The following NCKAP5 variants were observed in gnomAD, a reference collection of about 807,000 sequenced individuals.
The protein encoded by NCKAP5 is nck-associated protein 5.
A neutral mutation model predicts 167.0 loss-of-function variants in NCKAP5; 92 were observed. The observed-to-expected ratio is 0.55, with a 90% CI of 0.47 to 0.66. The LOEUF is 0.66. Ranked by LOEUF, NCKAP5 falls within the 30% of genes least tolerant of loss-of-function variation. The pLI is 0.00. For missense variants in NCKAP5, 2,378 were observed against 2,315.0 expected (o/e 1.03, Z -0.56); for synonymous variants, 891 against 877.4 (o/e 1.02, Z -0.27).
intron 3 of NCKAP5, among the ~76,000 whole-genome samples, chr2:133,375,289 G>A (rs145441598): frequency 6.6e-6 from 1 of 152,228 alleles, no homozygotes; most frequent in African/African-American, 2.4e-5. Flanking sequence ...ATTCTTCTAG[G>A]GTGTTAGTAA....
intron 16 of NCKAP5, among the ~76,000 whole-genome samples, chr2:132,732,350 G>A (rs1189670902): frequency 1.3e-5 from 2 of 151,826 alleles, no homozygotes; most frequent in Admixed American, 1.3e-4. Flanking sequence ...CAAGTTAAGG[G>A]GTGTAGCACA....
At chr2:132,890,375 T>C (rs1392832725) in intron 8 of NCKAP5, among the ~76,000 whole-genome samples, 1 of 151,274 alleles carries the variant, frequency 6.6e-6, no homozygotes, top group Non-Finnish European at 1.5e-5. Flanking sequence ...TATACAAAGA[T>C]GGATAAAATA....
intron 3 of NCKAP5, among the ~76,000 whole-genome samples, chr2:133,427,499 A>G (rs1408286577): frequency 6.6e-6 from 1 of 152,218 alleles, no homozygotes; most frequent in African/African-American, 2.4e-5. Flanking sequence ...GTCCCAGAAA[A>G]GAGCAAAATA....
intron 3 of NCKAP5, among the ~76,000 whole-genome samples, chr2:133,325,447 G>A (rs1428317990): frequency 6.6e-6 from 1 of 152,168 alleles, no homozygotes; most frequent in Non-Finnish European, 1.5e-5. Context: ...ACTTTGTGAT[G>A]TTTCCTGAGG....
At chr2:133,461,677 A>G (rs1166531862) in intron 3 of NCKAP5, among the ~76,000 whole-genome samples, 1 of 152,178 alleles carries the variant, frequency 6.6e-6, no homozygotes, top group Non-Finnish European at 1.5e-5. Flanking sequence ...GCATTGACAC[A>G]TCACTTCTAC....
rs12611515 is a variant in NCKAP5 at position 132,784,002 on chromosome 2, C to A, written c.2809G>T (p.Val937Phe). The change falls in exon 14 of 20, where the codon GTC (valine) becomes TTC (phenylalanine). Residue 937 changes from valine (V) to phenylalanine (F), a missense_variant. By Grantham distance (50) the Val-to-Phe change is conservative. This residue lies in a region of NCKAP5 where 1,325 missense variants were observed against 1,274.5 expected (regional missense o/e 1.04). Transcript: ENST00000409261. ...TAGCTGGGCCTGGCCAGCAGGGAGA[C>A]GGACCTGCCTGGAGGGGGCGGAGGG... ...PSPPPPPGRS[V>F]SLLARPSYDY... is the part of the protein sequence containing the mutation. 7 of 1,585,758 alleles carry A rather than the reference C, an allele frequency of 4.4e-6. No homozygotes were observed. The East Asian group carries it at 9.0e-5, about 20-fold the overall frequency.
chr2:132,796,949 G>A (rs1684655425), intron 11 of NCKAP5, among the ~76,000 whole-genome samples: 1 of 152,148 alleles, frequency 6.6e-6, no homozygotes, highest in African/African-American at 2.4e-5. Context: ...TGCTTTTACA[G>A]TCTGTCAGTC....
intron 7 of NCKAP5, among the ~76,000 whole-genome samples, chr2:132,984,266 G>T (rs1435228266): frequency 1.3e-5 from 2 of 152,114 alleles, no homozygotes; most frequent in Non-Finnish European, 2.9e-5. Context: ...GAGACTCTAT[G>T]GAACTGTTCT....
chr2:133,382,160 G>C (rs866962989), intron 3 of NCKAP5, among the ~76,000 whole-genome samples: 1 of 152,080 alleles, frequency 6.6e-6, no homozygotes, highest in Non-Finnish European at 1.5e-5. Flanking sequence ...CTTGTCTCCC[G>C]CCTCTTCCTC....
intron 2 of NCKAP5, among the ~76,000 whole-genome samples, chr2:133,547,601 C>G (rs1011023776): frequency 4.1e-5 from 6 of 147,006 alleles, no homozygotes; most frequent in Admixed American, 3.4e-4. Context: ...CTGGGAGGCA[C>G]CCCCCAGCAG....
rs559602187 is a variant in NCKAP5, at chr2:132,728,857, G to C, written c.5539C>G (p.Leu1847Val). 6.2e-7 allele frequency: 1 copy of C among 1,613,968 alleles called. No individual in the cohort carries two copies. Among genetic ancestry groups the C allele is most frequent in the South Asian group, 1.1e-5 (1 of 91,084 alleles). ...GCAACTTCACTCCCCCAGTCTGGAA[G>C]CGGCTGGCTTGCCATTGGGTCTTCA... ...YAEDPMASQP[L>V]PDWGSEVAAT... Residue 1847 changes from leucine to valine, a missense_variant, in exon 18 of 20, where the codon CTT (leucine) becomes GTT (valine). This residue lies in a region of NCKAP5 where 1,325 missense variants were observed against 1,274.5 expected (regional missense o/e 1.04). Coordinates refer to ENST00000409261, the MANE Select transcript of NCKAP5 (RefSeq NM_207363.3).
chr2:133,148,847 T>G (rs1414627701), intron 5 of NCKAP5, among the ~76,000 whole-genome samples: 1 of 152,104 alleles, frequency 6.6e-6, no homozygotes, highest in Non-Finnish European at 1.5e-5. Flanking sequence ...ACCATCACAT[T>G]GGAAATGAGA....
chr2:132,758,357 A>T (rs1680727274), intron 16 of NCKAP5, among the ~76,000 whole-genome samples: 1 of 152,184 alleles, frequency 6.6e-6, no homozygotes, highest in African/African-American at 2.4e-5. Flanking sequence ...GTAAATCTAC[A>T]AGTCATTTGT....
At chr2:132,963,283 TTTTAAAGATATGAC>T (rs2076571137) in intron 8 of NCKAP5, among the ~76,000 whole-genome samples, 1 of 152,226 alleles carries the variant, frequency 6.6e-6, no homozygotes, top group Non-Finnish European at 1.5e-5. Context: ...TGCACGTTTT[TTTTAAAGATATGAC>T]TATACTGCTT....
intron 4 of NCKAP5, among the ~76,000 whole-genome samples, chr2:133,238,433 T>C (rs1158980176): frequency 6.6e-6 from 1 of 152,160 alleles, no homozygotes; most frequent in African/African-American, 2.4e-5. Context: ...TCTCTATGAC[T>C]AACTATAGAA....
intron 6 of NCKAP5, among the ~76,000 whole-genome samples, chr2:133,053,060 T>C (rs1466407367): frequency 6.6e-6 from 1 of 152,182 alleles, no homozygotes; most frequent in Non-Finnish European, 1.5e-5. Flanking sequence ...TCTGGAGGTA[T>C]ATTTTAGTTC....
intron 2 of NCKAP5, among the ~76,000 whole-genome samples, chr2:133,530,458 C>T (rs916810196): frequency 6.6e-6 from 1 of 152,058 alleles, no homozygotes; most frequent in Non-Finnish European, 1.5e-5. Flanking sequence ...ACAAAAAGTA[C>T]CATATAGGTT....
intron 6 of NCKAP5, among the ~76,000 whole-genome samples, chr2:133,111,927 TC>T (rs927352112): frequency 6.6e-6 from 1 of 151,762 alleles, no homozygotes; most frequent in African/African-American, 2.4e-5. Flanking sequence ...TAATAGAATC[TC>T]CCCCAGCCCA....
chr2:133,360,047 T>G (rs902043608), intron 3 of NCKAP5, among the ~76,000 whole-genome samples: 1 of 152,146 alleles, frequency 6.6e-6, no homozygotes, highest in Non-Finnish European at 1.5e-5. Flanking sequence ...ATACCTCTCT[T>G]GTCTGACCGC....
Sources: allele counts gnomAD v4.1 joint callset (sites outside exome capture counted in the v4.1 genomes callset), GRCh38; gene constraint gnomAD v4.1.1; regional missense constraint gnomAD v4.1.1; transcripts MANE v1.5; gene names NCBI Gene and HGNC (gene_info 2026-07-23, HGNC 2026-07-21).